TCF12: variants seen among roughly 807,000 people sequenced by gnomAD.
TCF12 encodes the protein transcription factor 12.
In TCF12, 45 loss-of-function variants were observed where a neutral mutation model predicts 86.0. That is an observed-to-expected ratio of 0.52 (90% confidence interval 0.41 to 0.67). TCF12 has a LOEUF of 0.67. Among genes scored for constraint, TCF12 ranks in the 30% least tolerant of loss-of-function variants. The probability of loss-of-function intolerance (pLI) is 0.00; values close to 1 mark genes in which losing one functional copy is unlikely to be tolerated. For missense variants in TCF12, 881 were observed against 859.9 expected (o/e 1.02, Z -0.31); for synonymous variants, 330 against 299.6 (o/e 1.10, Z -1.05).
chr15:56,983,926 C>G (rs1483989821), intron 3 of TCF12, among the ~76,000 whole-genome samples: 1 of 142,084 alleles, frequency 7.0e-6, no homozygotes, highest in Non-Finnish European at 1.5e-5. Context: ...CACTTGAGCC[C>G]AGGAGGTCAA....
chr15:57,075,758 T>TTTCC (rs2069839313), intron 4 of TCF12, among the ~76,000 whole-genome samples: 1 of 91,224 alleles, frequency 1.1e-5, no homozygotes, highest in Non-Finnish European at 2.3e-5. Context: ...ATGAGGTTTC[T>TTTCC]TTTCTTTCTT....
intron 5 of TCF12, among the ~76,000 whole-genome samples, chr15:57,161,280 A>C (rs2054489580): frequency 6.6e-6 from 1 of 152,162 alleles, no homozygotes; most frequent in African/African-American, 2.4e-5. Context: ...ACTTTTTTTT[A>C]AGTCTGAGAA....
At chr15:57,125,061 C>T (rs1452061152) in intron 5 of TCF12, among the ~76,000 whole-genome samples, 5 of 152,118 alleles carry the variant, frequency 3.3e-5, no homozygotes, top group African/African-American at 1.2e-4. Context: ...ATTGCCTTAG[C>T]AGGAAGAAAC....
intron 5 of TCF12, among the ~76,000 whole-genome samples, chr15:57,140,727 A>T (rs1346220518): frequency 6.6e-6 from 1 of 152,178 alleles, no homozygotes; most frequent in Non-Finnish European, 1.5e-5. Flanking sequence ...AAACAAAATT[A>T]TTTTATTTTA....
chr15:56,946,626 T>C (rs2061008688), intron 3 of TCF12, among the ~76,000 whole-genome samples: 1 of 152,082 alleles, frequency 6.6e-6, no homozygotes, highest in South Asian at 2.1e-4. Context: ...CCTTGTAGAT[T>C]TTGATTTAGT....
intron 6 of TCF12, among the ~76,000 whole-genome samples, chr15:57,182,727 A>G (rs1479969808): frequency 6.6e-5 from 10 of 152,188 alleles, no homozygotes; most frequent in African/African-American, 7.2e-5. Context: ...TAGTGAGGAA[A>G]AAGGTTTATC....
intron 3 of TCF12, among the ~76,000 whole-genome samples, chr15:57,052,578 A>G (rs1477102453): frequency 3.3e-5 from 5 of 150,326 alleles, no homozygotes; most frequent in African/African-American, 1.2e-4. Flanking sequence ...CAGAGGTTGC[A>G]GTGAGCCGAG....
chr15:57,288,256 G>A lies in TCF12; in HGVS notation c.*2111G>A, dbSNP rs577853613. 5 of 152,678 alleles carry A rather than the reference G, an allele frequency of 3.3e-5. 1 individual carries two copies. In the South Asian group the frequency reaches 1.0e-3, roughly 32 times the overall value. The allele number at this position is 152,678 out of a possible 1,614,324, so 9.5% of individuals were successfully genotyped here. A position where few individuals can be genotyped will look rare whatever the true frequency, so the allele number is the denominator to read the frequency against. On this transcript the variant is annotated 3_prime_UTR_variant, in exon 21 of 21. Transcript: ENST00000333725. ...CAATAGCATTTTAAGACCATAGTAG[G>A]ATTCTAGCATACCGTGTAGTACCTA...
intron 3 of TCF12, among the ~76,000 whole-genome samples, chr15:56,928,248 G>T (rs1026796830): frequency 6.6e-6 from 1 of 151,958 alleles, no homozygotes; most frequent in South Asian, 2.1e-4. Context: ...ATTAAATAAG[G>T]TTATCTATAT....
chr15:57,202,802 A>AT (rs1470562575), intron 8 of TCF12, among the ~76,000 whole-genome samples: 1 of 152,044 alleles, frequency 6.6e-6, no homozygotes, highest in African/African-American at 2.4e-5. Flanking sequence ...TCCAGTTTCT[A>AT]TTTGTAAAAG....
intron 3 of TCF12, among the ~76,000 whole-genome samples, chr15:57,002,700 C>G (rs1015306862): frequency 1.3e-5 from 2 of 152,214 alleles, no homozygotes; most frequent in Non-Finnish European, 2.9e-5. Flanking sequence ...GACTGACGAA[C>G]TGTCAATCGA....
In TCF12 at chr15:57,234,101, G is replaced by A. The variant is rs1240809179; in HGVS notation, c.1029G>A (p.Leu343=). Residue 343 remains leucine (L), a synonymous_variant, in exon 12 of 21, where the codon TTG becomes TTA. Transcript: ENST00000333725. ...SQTGDALGKA[L]ASIYSPDHTS... is the part of the protein sequence containing the mutation. ...CAGGTGATGCACTTGGAAAGGCTTT[G>A]GCATCTGTGAGTATTGATTTTACAC... The A allele has an allele frequency of 1.9e-6, 3 of 1,613,106 alleles. No individual in the cohort carries two copies. Among genetic ancestry groups the A allele is most frequent in the Non-Finnish European group, 2.5e-6 (3 of 1,179,290 alleles).
chr15:56,965,410 C>T (rs184963209), intron 3 of TCF12, among the ~76,000 whole-genome samples: 2 of 152,224 alleles, frequency 1.3e-5, no homozygotes, highest in Admixed American at 6.5e-5. Flanking sequence ...ACTTTTTAGA[C>T]CCATTTATTA....
At chr15:57,231,878 G>T (rs2059153880) in intron 9 of TCF12, among the ~76,000 whole-genome samples, 1 of 152,094 alleles carries the variant, frequency 6.6e-6, no homozygotes, top group African/African-American at 2.4e-5. Context: ...TTTACTATTA[G>T]AAAAACTTCT....
intron 18 of TCF12, among the ~76,000 whole-genome samples, chr15:57,269,908 G>A (rs2061053050): frequency 1.3e-5 from 2 of 152,190 alleles, no homozygotes; most frequent in Admixed American, 1.3e-4. Flanking sequence ...GGCTTGTAGG[G>A]TTTCTGCAGA....
At position 57,228,528 on chromosome 15, in the gene TCF12, A is replaced by AT. The variant is rs201012842; in HGVS notation, c.580-2620dup. 8.5e-5 allele frequency among the ~76,000 whole-genome samples: 13 copies of AT among 152,100 alleles called. No homozygotes were observed. In the East Asian group the frequency reaches 2.3e-3, roughly 27 times the overall value. ...ACAAACTTTACCTCTAAAATGTGCCATTTTCTCCATACAACTTCAAAATTT... is the reference window on the plus strand; with the variant it reads ...ACAAACTTTACCTCTAAAATGTGCCATTTTTCTCCATACAACTTCAAAATTT... On this transcript the variant is annotated intron_variant, in intron 8 of 20. Coordinates refer to ENST00000333725, the MANE Select transcript of TCF12 (RefSeq NM_207037.2).
chr15:57,271,021 G>A (rs1221314998), intron 18 of TCF12, among the ~76,000 whole-genome samples: 3 of 152,196 alleles, frequency 2.0e-5, no homozygotes, highest in Non-Finnish European at 4.4e-5. Context: ...CTACACGGGG[G>A]TCAGGGACCC....
At chr15:57,185,019 A>G (rs571439642) in intron 6 of TCF12, among the ~76,000 whole-genome samples, 10 of 152,292 alleles carry the variant, frequency 6.6e-5, no homozygotes, top group African/African-American at 1.9e-4. Context: ...TTCTCTCCCA[A>G]TGTACCAAAT....
chr15:57,073,289 T>C (rs1319760353), intron 4 of TCF12, among the ~76,000 whole-genome samples: 1 of 152,234 alleles, frequency 6.6e-6, no homozygotes, highest in Non-Finnish European at 1.5e-5. Flanking sequence ...AGCATATTAA[T>C]CTTTGAATCT....
Sources: gnomAD v4.1 joint callset for allele counts (sites outside exome capture counted in the v4.1 genomes callset) on GRCh38, gnomAD v4.1.1 for gene constraint, MANE v1.5 for transcripts, NCBI Gene and HGNC (gene_info 2026-07-23, HGNC 2026-07-21) for gene names.